The following ELMO1 variants were observed in gnomAD, a reference collection of about 807,000 sequenced individuals.
The protein encoded by ELMO1 is engulfment and cell motility protein 1.
In ELMO1, 26 loss-of-function variants were observed where a neutral mutation model predicts 98.9. That is an observed-to-expected ratio of 0.26 (90% CI 0.19 to 0.36). ELMO1 has a LOEUF of 0.36. ELMO1 is among the 10% of genes least tolerant of loss of function. ELMO1 has a pLI of 1.00. For synonymous variants in ELMO1, 346 were observed against 346.0 expected, an observed-to-expected ratio of 1.00 and a Z score of 0.00; for missense variants, 627 against 935.2, an observed-to-expected ratio of 0.67 and a Z score of 4.30.
chr7:37,289,938 C>T (rs1022374376), intron 4 of ELMO1, among the ~76,000 whole-genome samples: 3 of 152,190 alleles, frequency 2.0e-5, no homozygotes, highest in Non-Finnish European at 4.4e-5. Context: ...GGCCCTGGAC[C>T]ACCCACACTA....
intron 5 of ELMO1, among the ~76,000 whole-genome samples, chr7:37,269,185 A>T (rs2130843345): frequency 6.6e-6 from 1 of 152,380 alleles, no homozygotes; most frequent in African/African-American, 2.4e-5. Flanking sequence ...ACCTATTTAA[A>T]GTTCACAGAT....
At chr7:37,326,494 G>A (rs951375949) in intron 2 of ELMO1, among the ~76,000 whole-genome samples, 1 of 150,146 alleles carries the variant, frequency 6.7e-6, no homozygotes, top group African/African-American at 2.5e-5. Context: ...GGCAGAGGCT[G>A]CAGTGAGCCG....
In ELMO1 at chr7:37,064,285, T is replaced by C. The variant is rs922879368; in HGVS notation, c.1300+32334A>G. The stretch of plus-strand genomic sequence containing the variant: ...GACTCCCCTCATGCTAGGAGGGTGA[T>C]GCTGCATCCTTCATAGAGAAAATTG... On this transcript the variant is annotated intron_variant, in intron 15 of 21. Transcript: ENST00000310758. Among the ~76,000 whole-genome samples, 8 of 152,206 alleles carry C rather than the reference T, an allele frequency of 5.3e-5. No homozygotes were observed. The East Asian group carries it at 1.5e-3, about 29-fold the overall frequency.
intron 16 of ELMO1, among the ~76,000 whole-genome samples, chr7:36,983,965 ATTTTT>A (rs60966397): frequency 2.1e-5 from 3 of 143,620 alleles, no homozygotes; most frequent in East Asian, 4.1e-4. Context: ...ACTGTTTTAG[ATTTTT>A]TTTTTTTTTT....
intron 16 of ELMO1, among the ~76,000 whole-genome samples, chr7:36,971,271 G>A (rs1031580034): frequency 8.5e-5 from 13 of 152,194 alleles, no homozygotes; most frequent in African/African-American, 3.1e-4. Flanking sequence ...GTGGAGGCGA[G>A]AGAAAGTTTT....
Position 37,253,479 on chromosome 7 carries a change from G to A in ELMO1, c.413+5702C>T, listed in dbSNP as rs148996366. Among the ~76,000 whole-genome samples, 478 of 152,180 alleles carry A rather than the reference G, an allele frequency of 3.1e-3. 2 individuals carry two copies. Among genetic ancestry groups the A allele is most frequent in the African/African-American group, 9.9e-3 (410 of 41,534 alleles). ...ATTCTCAGCAAACTAACACAAGAGC[G>A]GAAAACCAAACACCGCATGTTCTCA... On this transcript the variant is annotated intron_variant, in intron 6 of 21. Transcript: ENST00000310758.
At position 37,386,417 on chromosome 7, in the gene ELMO1, C is replaced by T. The variant is rs892378894; in HGVS notation, c.-73-43654G>A. The stretch of plus-strand genomic sequence containing the variant: ...GTCTCCAGTCTGTCTCCCCATAGTC[C>T]TTACAGCCCTGGACTCACTGCCCTT... On this transcript the variant is annotated intron_variant, in intron 1 of 21. Transcript: ENST00000310758. 2.6e-5 allele frequency among the ~76,000 whole-genome samples: 4 copies of T among 151,942 alleles called. No individual in the cohort carries two copies. The South Asian group carries it at 6.2e-4, about 24-fold the overall frequency.
chr7:37,254,736 A>G (rs1174803600), intron 6 of ELMO1, among the ~76,000 whole-genome samples: 2 of 152,362 alleles, frequency 1.3e-5, no homozygotes, highest in African/African-American at 4.8e-5. Context: ...TTTGTGGTCC[A>G]TCACTGATCG....
At chr7:36,910,190 T>C (rs146350926) in intron 16 of ELMO1, among the ~76,000 whole-genome samples, 106 of 152,332 alleles carry the variant, frequency 7.0e-4, no homozygotes, top group African/African-American at 2.5e-3. Flanking sequence ...AGAGGTCCGG[T>C]TGATGGATCT....
chr7:36,971,898 C>G (rs1160207797), intron 16 of ELMO1, among the ~76,000 whole-genome samples: 1 of 152,090 alleles, frequency 6.6e-6, no homozygotes, highest in African/African-American at 2.4e-5. Context: ...AAAAGACAAG[C>G]AGAGATTTTT....
intron 8 of ELMO1, among the ~76,000 whole-genome samples, chr7:37,227,019 A>G (rs1402709520): frequency 6.6e-6 from 1 of 152,236 alleles, no homozygotes; most frequent in African/African-American, 2.4e-5. Flanking sequence ...ATATTCCAAA[A>G]AAGCCAAAAA....
chr7:37,014,447 A>G (rs1220136286), intron 15 of ELMO1, among the ~76,000 whole-genome samples: 1 of 152,082 alleles, frequency 6.6e-6, no homozygotes, highest in Non-Finnish European at 1.5e-5. Flanking sequence ...ATATCACTTT[A>G]ATTTCTGGGA....
At position 37,169,851 on chromosome 7, in the gene ELMO1, T is replaced by C. The variant is rs1790030159; in HGVS notation, c.1087-36617A>G. Among the ~76,000 whole-genome samples the C allele has an allele frequency of 2.0e-5, 3 of 152,204 alleles. No homozygotes were observed. In the South Asian group the frequency reaches 6.2e-4, roughly 31 times the overall value. ...CGTCCACAATTCTCATCTGAAACAC[T>C]AAAAATTCTAGAAATTATATTTAAT... is the stretch of plus-strand genomic sequence containing the variant. On this transcript the variant is annotated intron_variant, in intron 13 of 21. Transcript: ENST00000310758.
intron 1 of ELMO1, among the ~76,000 whole-genome samples, chr7:37,374,498 T>C (rs1176341874): frequency 2.0e-5 from 3 of 152,190 alleles, no homozygotes; most frequent in Non-Finnish European, 2.9e-5. Context: ...ATGCCTGTAA[T>C]CCCAGCACTT....
intron 13 of ELMO1, among the ~76,000 whole-genome samples, chr7:37,156,339 C>G (rs1045550529): frequency 2.0e-5 from 3 of 151,876 alleles, no homozygotes; most frequent in Admixed American, 1.3e-4. Flanking sequence ...CTGAAGGAGA[C>G]AGAGATACAA....
chr7:37,326,160 T>C (rs1027010707), intron 2 of ELMO1, among the ~76,000 whole-genome samples: 2 of 152,158 alleles, frequency 1.3e-5, no homozygotes, highest in African/African-American at 4.8e-5. Flanking sequence ...AGTTGCTGTG[T>C]GAATAACAGA....
At chr7:37,248,014 T>C (rs949585066) in intron 6 of ELMO1, among the ~76,000 whole-genome samples, 3 of 150,872 alleles carry the variant, frequency 2.0e-5, no homozygotes, top group African/African-American at 7.3e-5. Flanking sequence ...GAGTTCCGCC[T>C]CCTCCAGCAT....
intron 16 of ELMO1, among the ~76,000 whole-genome samples, chr7:36,926,035 C>T (rs1785540658): frequency 6.6e-6 from 1 of 152,148 alleles, no homozygotes; most frequent in Non-Finnish European, 1.5e-5. Context: ...CATTTCCCTC[C>T]AAGTCCCCTT....
chr7:37,423,047 T>C (rs910514357), intron 1 of ELMO1, among the ~76,000 whole-genome samples: 2 of 152,184 alleles, frequency 1.3e-5, no homozygotes, highest in African/African-American at 4.8e-5. Context: ...ACCAAGAAAA[T>C]GGGACTCAGG....
Sources: gnomAD v4.1 joint callset for allele counts (sites outside exome capture counted in the v4.1 genomes callset) on GRCh38, gnomAD v4.1.1 for gene constraint, MANE v1.5 for transcripts, NCBI Gene and HGNC (gene_info 2026-07-23, HGNC 2026-07-21) for gene names.